ULK4: variants seen among roughly 807,000 people sequenced by gnomAD.
The protein encoded by ULK4 is unc-51 like kinase 4, also known as inactive serine/threonine-protein kinase ULK4.
In ULK4, 133 loss-of-function variants were observed where a neutral mutation model predicts 160.6. That is an observed-to-expected ratio of 0.83 (90% confidence interval 0.72 to 0.96). The LOEUF (loss-of-function observed/expected upper bound fraction) is 0.96, where lower values mean the gene tolerates loss of function less well. Ranked by LOEUF, ULK4 falls within the 40% of genes least tolerant of loss-of-function variation. The pLI, the probability that ULK4 is intolerant of heterozygous loss-of-function variation, is 0.00. For missense variants in ULK4, 1,580 were observed against 1,499.5 expected (o/e 1.05, Z -0.89); for synonymous variants, 534 against 539.8 (o/e 0.99, Z 0.15).
chr3:41,867,878 A>G (rs1441776315), intron 17 of ULK4, among the ~76,000 whole-genome samples: 2 of 152,150 alleles, frequency 1.3e-5, no homozygotes, highest in African/African-American at 4.8e-5. Flanking sequence ...GATTTTATTG[A>G]CCCATGAGTT....
chr3:41,374,138 G>A (rs2081428663), intron 35 of ULK4, among the ~76,000 whole-genome samples: 1 of 152,062 alleles, frequency 6.6e-6, no homozygotes, highest in South Asian at 2.1e-4. Flanking sequence ...AATTGAGGCA[G>A]TAATTAACAG....
At chr3:41,858,550 T>C (rs2042425946) in intron 17 of ULK4, among the ~76,000 whole-genome samples, 2 of 146,336 alleles carry the variant, frequency 1.4e-5, no homozygotes, top group Admixed American at 1.4e-4. Context: ...TGGAGTGCAG[T>C]GGCATGATCT....
intron 35 of ULK4, among the ~76,000 whole-genome samples, chr3:41,323,766 T>C (rs1052667853): frequency 6.6e-6 from 1 of 152,014 alleles, no homozygotes; most frequent in African/African-American, 2.4e-5. Context: ...ATTAAGGGTG[T>C]TTCTATTGAG....
rs751634442 is a variant in ULK4, at chr3:41,819,426, T to C, written c.1845A>G (p.Glu615=). The C allele has an allele frequency of 1.9e-6, 3 of 1,613,602 alleles. No homozygotes were observed. The highest frequency in any genetic ancestry group is 1.7e-5 in the Admixed American group (1 of 59,946). The part of the protein sequence containing the change: ...AYTVLMRCLR[E]GEERVVNHMA... ...GAGGACAACAAAGGAGCCTTACCCC[T>C]TCCCGAAGGCACCTCATTAGCACTG... Residue 615 remains glutamate (E), a synonymous_variant, in exon 19 of 37, where the codon GAA becomes GAG. Coordinates refer to ENST00000301831, the MANE Select transcript of ULK4 (RefSeq NM_017886.4).
intron 27 of ULK4, among the ~76,000 whole-genome samples, chr3:41,692,323 G>T (rs1434485780): frequency 3.9e-5 from 6 of 151,976 alleles, no homozygotes; most frequent in African/African-American, 1.4e-4. Context: ...CAGCAAACAT[G>T]TTCTAAACCT....
chr3:41,897,644 T>C (rs987536753), intron 14 of ULK4, among the ~76,000 whole-genome samples: 8 of 152,274 alleles, frequency 5.3e-5, no homozygotes, highest in Admixed American at 5.2e-4. Flanking sequence ...TTTGCGTAAA[T>C]AGTCCTACTT....
intron 31 of ULK4, among the ~76,000 whole-genome samples, chr3:41,595,730 CAG>C (rs1401710660): frequency 5.3e-5 from 8 of 152,096 alleles, no homozygotes; most frequent in South Asian, 2.1e-4. Context: ...GAAGTAATAA[CAG>C]AGAGTGATTA....
intron 32 of ULK4, among the ~76,000 whole-genome samples, chr3:41,560,663 TTGTC>T (rs2087526733): frequency 6.6e-6 from 1 of 152,190 alleles, no homozygotes; most frequent in Non-Finnish European, 1.5e-5. Flanking sequence ...GGTTCTCTGT[TTGTC>T]TGTTATTGGT....
chr3:41,317,417 A>C (rs1042398472), intron 35 of ULK4, among the ~76,000 whole-genome samples: 3 of 152,110 alleles, frequency 2.0e-5, no homozygotes, highest in Non-Finnish European at 2.9e-5. Context: ...ATTTCTTCTG[A>C]TTTTTGAAAC....
intron 35 of ULK4, among the ~76,000 whole-genome samples, chr3:41,370,978 C>A (rs1484172511): frequency 6.6e-6 from 1 of 152,164 alleles, no homozygotes; most frequent in Non-Finnish European, 1.5e-5. Context: ...TACACCATTA[C>A]TGAGGCTTGA....
intron 18 of ULK4, 118 bp downstream of exon 18, chr3:41,835,746 G>GTTCC (rs984752566): frequency 1.6e-6 from 1 of 615,586 alleles, no homozygotes; most frequent in African/African-American, 1.9e-5. Context: ...TTTATCCTAA[G>GTTCC]TTCCTCAGGC....
chr3:41,685,752 C>T (rs771686022), intron 27 of ULK4, among the ~76,000 whole-genome samples: 1 of 152,100 alleles, frequency 6.6e-6, no homozygotes, highest in Admixed American at 6.6e-5. Context: ...AATTTCCAAC[C>T]AGCTCTTCAG....
intron 31 of ULK4, among the ~76,000 whole-genome samples, chr3:41,567,559 G>C (rs981765253): frequency 9.2e-4 from 135 of 147,008 alleles, no homozygotes; most frequent in Non-Finnish European, 1.4e-3. Context: ...TGATTCTCCT[G>C]CCTCAGCCTC....
chr3:41,426,834 C>A (rs960113068), intron 34 of ULK4, among the ~76,000 whole-genome samples: 2 of 151,882 alleles, frequency 1.3e-5, no homozygotes, highest in Non-Finnish European at 2.9e-5. Flanking sequence ...CAAATCAATA[C>A]CCTAACATCA....
chr3:41,538,380 T>C (rs756982714), intron 32 of ULK4, among the ~76,000 whole-genome samples: 1 of 152,062 alleles, frequency 6.6e-6, no homozygotes, highest in East Asian at 1.9e-4. Context: ...GGTCCTTACA[T>C]TGGATTCATT....
rs11451270 is a variant in ULK4 at position 41,656,821 on chromosome 3, A to AT, written c.3071+6785dup. Among the ~76,000 whole-genome samples the AT allele has an allele frequency of 8.9e-3, 1,332 of 149,998 alleles. 12 individuals are homozygous for AT. The highest frequency in any genetic ancestry group is 0.046 in the East Asian group (237 of 5,122). ...AATTCTTAGATACAGAACATAAACA[A>AT]TTTTTTTTTTGCAATACAGGAAAAC... On this transcript the variant is annotated intron_variant, in intron 30 of 36. Coordinates refer to ENST00000301831, the MANE Select transcript of ULK4 (RefSeq NM_017886.4).
intron 31 of ULK4, among the ~76,000 whole-genome samples, chr3:41,611,564 G>A (rs1226977660): frequency 6.6e-6 from 1 of 152,130 alleles, no homozygotes; most frequent in Non-Finnish European, 1.5e-5. Context: ...CCTCATTGGT[G>A]AAAACTTGCA....
intron 17 of ULK4, among the ~76,000 whole-genome samples, chr3:41,876,208 G>A (rs1362879199): frequency 6.6e-6 from 1 of 152,180 alleles, no homozygotes; most frequent in Non-Finnish European, 1.5e-5. Flanking sequence ...GACTCCAACA[G>A]TGAATTATAG....
At chr3:41,824,948 T>C (rs1223240172) in intron 18 of ULK4, among the ~76,000 whole-genome samples, 1 of 152,164 alleles carries the variant, frequency 6.6e-6, no homozygotes, top group South Asian at 2.1e-4. Flanking sequence ...CAGGGCTGGG[T>C]ACTCCTCTGA....
Sources: gnomAD v4.1 joint callset for allele counts (sites outside exome capture counted in the v4.1 genomes callset) on GRCh38, gnomAD v4.1.1 for gene constraint, MANE v1.5 for transcripts, NCBI Gene and HGNC (gene_info 2026-07-23, HGNC 2026-07-21) for gene names.